The following GABPA variants were observed in gnomAD, a reference collection of about 807,000 sequenced individuals.
The protein encoded by GABPA is GA binding protein transcription factor subunit alpha.
GABPA carries 4 observed loss-of-function variants against 59.4 expected under a neutral mutation model. The observed-to-expected ratio is 0.07, with a 90% CI of 0.03 to 0.15. The LOEUF (loss-of-function observed/expected upper bound fraction) is 0.15, where lower values mean the gene tolerates loss of function less well. GABPA is among the 10% of genes least tolerant of loss of function. The pLI, the probability that GABPA is intolerant of heterozygous loss-of-function variation, is 1.00. For missense variants in GABPA, 251 were observed against 543.8 expected (o/e 0.46, Z 5.36); for synonymous variants, 164 against 183.1 (o/e 0.90, Z 0.84).
chr21:25,763,251 C>A (rs10482968), intron 7 of GABPA: 47,491 of 420,246 alleles, frequency 0.11, 3,172 homozygotes, highest in East Asian at 0.3. Flanking sequence ...TACTTTTAAG[C>A]CTGCTGAGCT....
chr21:25,750,303 G>A (rs1410295554), intron 4 of GABPA, among the ~76,000 whole-genome samples: 1 of 152,184 alleles, frequency 6.6e-6, no homozygotes, highest in Non-Finnish European at 1.5e-5. Flanking sequence ...TCGCCTGCCA[G>A]TCACCTCCTG....
chr21:25,747,503 C>T (rs554988615), intron 3 of GABPA, among the ~76,000 whole-genome samples: 1 of 152,264 alleles, frequency 6.6e-6, no homozygotes, highest in South Asian at 2.1e-4. Context: ...ACTCCTTGTC[C>T]CCCTTTCCTC....
chr21:25,762,229 T>C, intron 6 of GABPA, 83 bp from the exon 7 acceptor site: 2 of 694,534 alleles, frequency 2.9e-6, no homozygotes, highest in Non-Finnish European at 5.0e-6. Flanking sequence ...AAAAGAACCA[T>C]GTTTATTAAG....
intron 7 of GABPA, 84 bp downstream of exon 7, chr21:25,762,449 TA>T (rs1246714456): frequency 1.9e-6 from 2 of 1,035,704 alleles, no homozygotes; most frequent in African/African-American, 1.7e-5. Flanking sequence ...GAAAATTATT[TA>T]AAAAAATTTT....
intron 4 of GABPA, among the ~76,000 whole-genome samples, chr21:25,751,682 T>G (rs2035516734): frequency 6.6e-6 from 1 of 152,068 alleles, no homozygotes; most frequent in African/African-American, 2.4e-5. Context: ...ATTTTTATTT[T>G]TATTTATCTA....
intron 3 of GABPA, among the ~76,000 whole-genome samples, chr21:25,747,583 G>A (rs2035399980): frequency 6.6e-6 from 1 of 152,218 alleles, no homozygotes; most frequent in African/African-American, 2.4e-5. Flanking sequence ...TCAGTCAGAA[G>A]TCTTGCTGCT....
At chr21:25,751,662 C>T (rs951177758) in intron 4 of GABPA, among the ~76,000 whole-genome samples, 5 of 151,748 alleles carry the variant, frequency 3.3e-5, no homozygotes, top group South Asian at 2.1e-4. Context: ...TTTATTGTTT[C>T]GTATTGGTAA....
At chr21:25,746,883 A>T (rs2035380164) in intron 3 of GABPA, among the ~76,000 whole-genome samples, 1 of 152,226 alleles carries the variant, frequency 6.6e-6, no homozygotes, top group African/African-American at 2.4e-5. Context: ...AAAAACTGAA[A>T]ACACCTCAAA....
Position 25,764,657 on chromosome 21 carries a change from C to G in GABPA, c.1006C>G (p.Arg336Gly). The G allele has an allele frequency of 6.2e-7, 1 of 1,612,358 alleles. No individual in the cohort carries two copies. Among genetic ancestry groups the G allele is most frequent in the Non-Finnish European group, 8.5e-7 (1 of 1,178,980 alleles). ...LLELLTDKDARDCISWVGDEG... is the reference protein window; with the variant it reads ...LLELLTDKDAGDCISWVGDEG... ...AGAACTTCTTACTGATAAGGACGCT[C>G]GAGACTGCATTTCTTGGGTTGGTGA... Residue 336 changes from arginine (R) to glycine (G), a missense_variant, in exon 9 of 10, where the codon CGA becomes GGA. Physicochemically the swap from Arg to Gly is moderately radical, Grantham distance 125 (BLOSUM62 -2). Transcript: ENST00000400075.
intron 6 of GABPA, among the ~76,000 whole-genome samples, chr21:25,761,494 A>G (rs148885825): frequency 1.8e-3 from 276 of 152,202 alleles, no homozygotes; most frequent in African/African-American, 5.6e-3. Flanking sequence ...CGTGTCTGGA[A>G]CTGGATCCTG....
chr21:25,744,963 T>G (rs2035324499), intron 2 of GABPA, among the ~76,000 whole-genome samples: 1 of 152,208 alleles, frequency 6.6e-6, no homozygotes, highest in Admixed American at 6.5e-5. Context: ...CACACATATG[T>G]ATGTACATAC....
chr21:25,762,469 A>G (rs1200873899), intron 7 of GABPA, 104 bp downstream of exon 7: 1 of 729,004 alleles, frequency 1.4e-6, no homozygotes, highest in African/African-American at 1.9e-5. Context: ...TTTTTTCTAC[A>G]CACAAAATAT....
chr21:25,744,114 T>C (rs1336301309), intron 2 of GABPA, among the ~76,000 whole-genome samples: 1 of 151,900 alleles, frequency 6.6e-6, no homozygotes, highest in African/African-American at 2.4e-5. Context: ...CTTAAAGTTT[T>C]TTTTTACCTT....
chr21:25,760,809 A>G (rs1420233842), intron 6 of GABPA, among the ~76,000 whole-genome samples: 2 of 152,042 alleles, frequency 1.3e-5, no homozygotes, highest in Non-Finnish European at 2.9e-5. Flanking sequence ...GAGGAATGTG[A>G]TATTCAGAGT....
In GABPA at chr21:25,735,120, C is replaced by T. The variant is rs940084785; in HGVS notation, c.-485C>T. The T allele has an allele frequency of 2.8e-6, 2 of 717,428 alleles. No homozygotes were observed. The highest frequency in any genetic ancestry group is 4.3e-5 in the Admixed American group (2 of 46,832). The allele number at this position is 717,428 out of a possible 1,614,324, so 44.4% of individuals were successfully genotyped here. Reference sequence around the variant, plus strand: ...ACAGCCTCCGCCATCTTTTCTTCGCCTAATTTGACCCGTTCTTTTTCCCCT... The same window carrying T: ...ACAGCCTCCGCCATCTTTTCTTCGCTTAATTTGACCCGTTCTTTTTCCCCT... On this transcript the variant is annotated 5_prime_UTR_variant, in exon 1 of 10. Transcript: ENST00000400075.
intron 5 of GABPA, 52 bp downstream of exon 5, chr21:25,752,286 A>AC (rs2035532243): frequency 6.5e-7 from 1 of 1,546,908 alleles, no homozygotes. Context: ...ATTAAGCTTG[A>AC]CATAGAAGAC....
chr21:25,740,547 A>G (rs1007932832), intron 1 of GABPA, among the ~76,000 whole-genome samples: 1 of 152,230 alleles, frequency 6.6e-6, no homozygotes, highest in African/African-American at 2.4e-5. Flanking sequence ...GTCCACAAAG[A>G]AATATCTATG....
Position 25,735,000 on chromosome 21 carries a change from C to T in GABPA, c.-605C>T, listed in dbSNP as rs773516625. 3.9e-6 allele frequency: 6 copies of T among 1,547,284 alleles called. No individual in the cohort carries two copies. The highest frequency in any genetic ancestry group is 4.4e-6 in the Non-Finnish European group (5 of 1,146,398). On this transcript the variant is annotated 5_prime_UTR_variant, in exon 1 of 10. Transcript: ENST00000400075. ...CGGTCGACGCTCACCGGACAGGAAG[C>T]GTCTCGGAGACAGTCTGCGACCGGA...
chr21:25,752,271 T>C (rs1158820382), intron 5 of GABPA, 37 bp downstream of exon 5: 1 of 1,600,650 alleles, frequency 6.2e-7, no homozygotes, highest in Admixed American at 1.7e-5. Flanking sequence ...GGTAGAATAA[T>C]AGGAATTAAG....
Sources: allele counts gnomAD v4.1 joint callset (sites outside exome capture counted in the v4.1 genomes callset), GRCh38; gene constraint gnomAD v4.1.1; transcripts MANE v1.5; gene names NCBI Gene and HGNC (gene_info 2026-07-23, HGNC 2026-07-21).